The following VAV2 variants were observed in gnomAD, a reference collection of about 807,000 sequenced individuals.
VAV2 encodes the protein vav guanine nucleotide exchange factor 2, also known as guanine nucleotide exchange factor VAV2.
Under a neutral mutation model 132.5 loss-of-function variants are expected in VAV2, and 67 were observed. That is an observed-to-expected ratio of 0.51 (90% CI 0.42 to 0.62). The LOEUF (loss-of-function observed/expected upper bound fraction) is 0.62, where lower values mean the gene tolerates loss of function less well. Among genes scored for constraint, VAV2 ranks in the 20% least tolerant of loss-of-function variants. The probability of loss-of-function intolerance (pLI) is 0.00; values close to 1 mark genes in which losing one functional copy is unlikely to be tolerated. For missense variants in VAV2, 938 were observed against 1,153.6 expected (o/e 0.81, Z 2.71); for synonymous variants, 492 against 443.5 (o/e 1.11, Z -1.37).
At chr9:133,952,380 G>A (rs1189436644) in intron 1 of VAV2, among the ~76,000 whole-genome samples, 1 of 152,132 alleles carries the variant, frequency 6.6e-6, no homozygotes, top group Non-Finnish European at 1.5e-5. Context: ...GAGGCAAGCA[G>A]ATCATGAGGT....
At chr9:133,979,474 G>A (rs182000217) in intron 1 of VAV2, among the ~76,000 whole-genome samples, 57 of 152,302 alleles carry the variant, frequency 3.7e-4, no homozygotes, top group African/African-American at 1.3e-3. Flanking sequence ...AGGACGGCTC[G>A]GCTCCCAGGG....
chr9:133,960,545 C>T (rs584396), intron 1 of VAV2, among the ~76,000 whole-genome samples: 42,267 of 152,138 alleles, frequency 0.28, 6,307 homozygotes, highest in East Asian at 0.59. Context: ...CGCTTAATAG[C>T]GGCCGCCAAT....
intron 1 of VAV2, among the ~76,000 whole-genome samples, chr9:133,957,044 C>A (rs922047029): frequency 6.6e-5 from 10 of 152,174 alleles, no homozygotes; most frequent in African/African-American, 1.9e-4. Flanking sequence ...GCCCGGGGTA[C>A]CCAGGACTCT....
At chr9:133,868,201 C>T (rs1837882310) in intron 2 of VAV2, among the ~76,000 whole-genome samples, 1 of 152,248 alleles carries the variant, frequency 6.6e-6, no homozygotes, top group South Asian at 2.1e-4. Context: ...CCTGACTCAA[C>T]CCAACTGCTG....
Position 133,764,010 on chromosome 9 carries a change from G to A in VAV2, c.*52C>T. ...AGAGGAGCTAGAGACAGACTTCAGG[G>A]CTGGAGTGACTCTCCCAAGAAAATC... On this transcript the variant is annotated 3_prime_UTR_variant, in exon 30 of 30. Coordinates refer to ENST00000371850, the MANE Select transcript of VAV2 (RefSeq NM_001134398.2). The A allele has an allele frequency of 6.2e-7, 1 of 1,607,256 alleles. No individual in the cohort carries two copies. Among genetic ancestry groups the A allele is most frequent in the Non-Finnish European group, 8.5e-7 (1 of 1,173,848 alleles).
Position 133,946,451 on chromosome 9 carries a change from T to C in VAV2, c.205-7232A>G, listed in dbSNP as rs1052274322. Among the ~76,000 whole-genome samples the C allele has an allele frequency of 5.9e-5, 9 of 152,324 alleles. No individual in the cohort carries two copies. The East Asian group carries it at 9.6e-4, about 16-fold the overall frequency. On this transcript the variant is annotated intron_variant, in intron 1 of 29. Coordinates refer to ENST00000371850, the MANE Select transcript of VAV2 (RefSeq NM_001134398.2). ...GGCACTCTCTTTTCAAGCCTCTGGGTCTTTCTGAGCAAGCTGGGGGTCTCC... is the reference window on the plus strand; with the variant it reads ...GGCACTCTCTTTTCAAGCCTCTGGGCCTTTCTGAGCAAGCTGGGGGTCTCC...
intron 10 of VAV2, 108 bp from the exon 11 acceptor site, chr9:133,796,632 C>T: frequency 7.9e-6 from 8 of 1,015,984 alleles, no homozygotes; most frequent in Non-Finnish European, 1.1e-5. Flanking sequence ...GAACTCAGGC[C>T]CAGACGTTTG....
At chr9:133,907,600 A>C (rs1839705679) in intron 2 of VAV2, among the ~76,000 whole-genome samples, 1 of 152,230 alleles carries the variant, frequency 6.6e-6, no homozygotes, top group Non-Finnish European at 1.5e-5. Flanking sequence ...GGATGGGAGA[A>C]GGCCTCGCTG....
At chr9:133,962,627 C>T (rs1224412645) in intron 1 of VAV2, among the ~76,000 whole-genome samples, 5 of 152,192 alleles carry the variant, frequency 3.3e-5, no homozygotes, top group Non-Finnish European at 7.4e-5. Context: ...CCCGCCCCAC[C>T]CCCCACAAAG....
At chr9:133,791,140 G>C (rs1056621919) in intron 13 of VAV2, among the ~76,000 whole-genome samples, 1 of 152,168 alleles carries the variant, frequency 6.6e-6, no homozygotes, top group Non-Finnish European at 1.5e-5. Flanking sequence ...GCAGATCCTC[G>C]GGAAGTCGGC....
intron 18 of VAV2, 103 bp downstream of exon 18, chr9:133,784,214 G>A (rs1588169202): frequency 2.3e-6 from 3 of 1,301,238 alleles, no homozygotes; most frequent in African/African-American, 1.5e-5. Context: ...AACCCCTCAG[G>A]GCCTCCCACA....
At chr9:133,965,184 G>A (rs1355074097) in intron 1 of VAV2, among the ~76,000 whole-genome samples, 2 of 151,474 alleles carry the variant, frequency 1.3e-5, no homozygotes, top group African/African-American at 4.9e-5. Context: ...TGGACTAGCA[G>A]AATAAAAAAA....
intron 24 of VAV2, 125 bp downstream of exon 24, chr9:133,775,903 G>C: frequency 1.5e-6 from 2 of 1,309,050 alleles, no homozygotes; most frequent in Non-Finnish European, 2.0e-6. Flanking sequence ...CCTGGAGATG[G>C]CAACAGGCAG....
chr9:133,990,648 C>T (rs1842986459), intron 1 of VAV2, among the ~76,000 whole-genome samples: 1 of 152,210 alleles, frequency 6.6e-6, no homozygotes, highest in Non-Finnish European at 1.5e-5. Context: ...GGTTCGAGGC[C>T]CAGCCCTGCT....
chr9:133,829,434 GCA>G (rs148009903), intron 4 of VAV2, among the ~76,000 whole-genome samples: 81 of 152,350 alleles, frequency 5.3e-4, no homozygotes, highest in African/African-American at 1.9e-3. Context: ...GTGCTACCCG[GCA>G]CAGAGCCACT....
At chr9:133,985,757 T>A (rs1842840012) in intron 1 of VAV2, among the ~76,000 whole-genome samples, 1 of 152,160 alleles carries the variant, frequency 6.6e-6, no homozygotes, top group Admixed American at 6.5e-5. Flanking sequence ...CCTCTGCAGC[T>A]CGAAGAATGA....
At chr9:133,964,027 A>ACG (rs1564507348) in intron 1 of VAV2, among the ~76,000 whole-genome samples, 1 of 73,706 alleles carries the variant, frequency 1.4e-5, no homozygotes, top group East Asian at 6.7e-4. Context: ...TCATTCATAT[A>ACG]TATATATATA....
At position 133,879,519 on chromosome 9, in the gene VAV2, G is replaced by GGCAT. The variant is rs1459948483; in HGVS notation, c.322-18091_322-18088dup. On this transcript the variant is annotated intron_variant, in intron 2 of 29. Coordinates refer to ENST00000371850, the MANE Select transcript of VAV2 (RefSeq NM_001134398.2). This position sits in a 1 kb window ranked among gnomAD's most constrained non-coding sequence, Gnocchi z 4.4. The stretch of plus-strand genomic sequence containing the variant: ...AATGTGGGCAAGCCTCCTATAAGAA[G>GGCAT]GCATCGATCAGTAGGTGGCCCCGGG... Among the ~76,000 whole-genome samples the GGCAT allele has an allele frequency of 6.6e-6, 1 of 152,116 alleles. No homozygotes were observed. The highest frequency in any genetic ancestry group is 1.9e-4 in the East Asian group (1 of 5,194).
chr9:133,891,041 A>AT (rs143351342), intron 2 of VAV2, among the ~76,000 whole-genome samples: 5,489 of 151,932 alleles, frequency 0.036, 318 homozygotes, highest in African/African-American at 0.13. Context: ...GTTAAATGAA[A>AT]TAAGGTAGAG....
Sources: allele counts gnomAD v4.1 joint callset (sites outside exome capture counted in the v4.1 genomes callset), GRCh38; gene constraint gnomAD v4.1.1; non-coding constraint Gnocchi (gnomAD v3.1); transcripts MANE v1.5; gene names NCBI Gene and HGNC (gene_info 2026-07-23, HGNC 2026-07-21).